Variants in PTH1R observed in about 807,000 individuals in gnomAD.
PTH1R encodes the protein parathyroid hormone/parathyroid hormone-related peptide receptor.
A neutral mutation model predicts 70.7 loss-of-function variants in PTH1R; 32 were observed. The ratio of observed to expected loss-of-function variants is 0.45; its 90% CI spans 0.34 to 0.61. The LOEUF (loss-of-function observed/expected upper bound fraction) is 0.61, where lower values mean the gene tolerates loss of function less well. Ranked by LOEUF, PTH1R falls within the 20% of genes least tolerant of loss-of-function variation. The pLI is 0.01. For synonymous variants in PTH1R, 329 were observed against 324.8 expected, an observed-to-expected ratio of 1.01 and a Z score of -0.14; for missense variants, 626 against 792.5, an observed-to-expected ratio of 0.79 and a Z score of 2.52.
At chr3:46,888,370 C>T (rs766583238) in intron 3 of PTH1R, among the ~76,000 whole-genome samples, 13 of 152,214 alleles carry the variant, frequency 8.5e-5, no homozygotes, top group Admixed American at 3.3e-4. Context: ...AGGAGGGTGC[C>T]GAGCCCTCCG....
Position 46,894,096 on chromosome 3 carries a change from G to A in PTH1R, c.178+87G>A, listed in dbSNP as rs1296330314. 9 of 1,385,930 alleles carry A rather than the reference G, an allele frequency of 6.5e-6. No individual in the cohort carries two copies. In the African/African-American group the frequency reaches 9.9e-5, roughly 15 times the overall value. The allele number at this position is 1,385,930 out of a possible 1,614,324, so 85.9% of individuals were successfully genotyped here. On this transcript the variant is annotated intron_variant, in intron 4 of 15. Transcript: ENST00000449590. ...CGGGACCCAGGATACAGAGCCAGGT[G>A]AAGGCTCTCTGTGGGGGCGGACTTA...
At chr3:46,887,162 C>A (rs2031088411) in intron 3 of PTH1R, among the ~76,000 whole-genome samples, 1 of 152,006 alleles carries the variant, frequency 6.6e-6, no homozygotes, top group Non-Finnish European at 1.5e-5. Context: ...ATCGCTTGAA[C>A]CCAGGAGGCA....
Position 46,883,960 on chromosome 3 carries a change from G to A in PTH1R, c.75+326G>A, listed in dbSNP as rs2030846118. 6.6e-6 allele frequency among the ~76,000 whole-genome samples: 1 copy of A among 152,244 alleles called. No homozygotes were observed. Among genetic ancestry groups the A allele is most frequent in the African/African-American group, 2.4e-5 (1 of 41,464 alleles). Reference sequence around the variant, plus strand: ...ACAGTGTGACCCAACAGAAGGCTGGGCTTTGGCCCTGCTGCGTACTCCCAC... The same window carrying A: ...ACAGTGTGACCCAACAGAAGGCTGGACTTTGGCCCTGCTGCGTACTCCCAC... On this transcript the variant is annotated intron_variant, in intron 3 of 15. Coordinates refer to ENST00000449590, the MANE Select transcript of PTH1R (RefSeq NM_000316.3). The surrounding 1 kb of genome is among the most constrained non-coding windows in gnomAD (Gnocchi z 6.4).
chr3:46,881,666 C>A (rs530938252), intron 2 of PTH1R, among the ~76,000 whole-genome samples: 23 of 151,372 alleles, frequency 1.5e-4, no homozygotes, highest in Non-Finnish European at 2.2e-4. Context: ...TGGCCTAGGG[C>A]CGAGAGGAAC....
rs540920290 is a variant in PTH1R at position 46,883,148 on chromosome 3, AAAAGAAAGAAAG to A, written c.-48-344_-48-333del. ...AGCTCCCATTTCCCCAAAAGAAAAA[AAAAGAAAGAAAG>A]AAAGAAAGAAAGAAAGAAAAGGCGG... On this transcript the variant is annotated intron_variant, in intron 2 of 15. Transcript: ENST00000449590. This position sits in a 1 kb window ranked among gnomAD's most constrained non-coding sequence, Gnocchi z 6.4. Among the ~76,000 whole-genome samples, 108 of 142,234 alleles carry A rather than the reference AAAAGAAAGAAAG, an allele frequency of 7.6e-4. No homozygotes were observed. The highest frequency in any genetic ancestry group is 2.1e-3 in the African/African-American group (82 of 38,480). 93.3% of individuals were successfully genotyped at this position (142,234 alleles called of 152,430 possible). A position where few individuals can be genotyped will look rare whatever the true frequency, so the allele number is the denominator to read the frequency against.
At chr3:46,880,510 C>G (rs1177634457) in intron 1 of PTH1R, among the ~76,000 whole-genome samples, 1 of 152,102 alleles carries the variant, frequency 6.6e-6, no homozygotes, top group Non-Finnish European at 1.5e-5. Context: ...GAGGCTGAGG[C>G]AGGTGGATCA....
intron 3 of PTH1R, among the ~76,000 whole-genome samples, chr3:46,887,873 T>C (rs1420946554): frequency 6.6e-6 from 1 of 152,232 alleles, no homozygotes; most frequent in African/African-American, 2.4e-5. Context: ...TTTGTGTGTG[T>C]GTCTATATGT....
At position 46,902,642 on chromosome 3, in the gene PTH1R, A is replaced by G; in HGVS notation, c.1328A>G (p.Tyr443Cys). Reference protein sequence around the residue: ...SGTLWQVQMHYEMLFNSFQGF... With the variant: ...SGTLWQVQMHCEMLFNSFQGF... ...ACGCTCTGGCAAGTCCAGATGCACT[A>G]TGAGATGCTCTTCAACTCCTTCCAG... Residue 443 changes from tyrosine (Y) to cysteine (C), a missense_variant, in exon 14 of 16, where the codon TAT becomes TGT. Physicochemically the swap from Tyr to Cys is radical, Grantham distance 194 (BLOSUM62 -2). This residue lies in a region of PTH1R where 495 missense variants were observed against 638.7 expected (regional missense o/e 0.77). Transcript: ENST00000449590. This position sits in a 1 kb window ranked among gnomAD's most constrained non-coding sequence, Gnocchi z 5.4. 9 of 1,613,748 alleles carry G rather than the reference A, an allele frequency of 5.6e-6. No individual in the cohort carries two copies. Among genetic ancestry groups the G allele is most frequent in the South Asian group, 1.1e-5 (1 of 91,064 alleles).
At chr3:46,885,872 A>G (rs952710542) in intron 3 of PTH1R, among the ~76,000 whole-genome samples, 1 of 152,160 alleles carries the variant, frequency 6.6e-6, no homozygotes, top group Non-Finnish European at 1.5e-5. Context: ...ATGCCCCTCA[A>G]GCCCACCAAC....
chr3:46,881,757 C>G (rs2106946694), intron 2 of PTH1R, among the ~76,000 whole-genome samples: 1 of 151,766 alleles, frequency 6.6e-6, no homozygotes, highest in African/African-American at 2.4e-5. Context: ...GCAGCCAAGC[C>G]GGGCTCGGGG....
chr3:46,886,091 G>A (rs1337189749), intron 3 of PTH1R, among the ~76,000 whole-genome samples: 2 of 152,188 alleles, frequency 1.3e-5, no homozygotes, highest in African/African-American at 2.4e-5. Flanking sequence ...GTGGAGTTTG[G>A]AGGAAGTGAT....
chr3:46,898,538 C>G, intron 8 of PTH1R, 66 bp downstream of exon 8: 1 of 1,598,368 alleles, frequency 6.3e-7, no homozygotes, highest in Non-Finnish European at 8.5e-7. Flanking sequence ...AGGTCTGATG[C>G]GACCCCCTCC....
Position 46,903,595 on chromosome 3 carries a change from A to C in PTH1R, c.1721A>C (p.Glu574Ala), listed in dbSNP as rs2032266205. 1 of 1,613,388 alleles carries C rather than the reference A, an allele frequency of 6.2e-7. No homozygotes were observed. Among genetic ancestry groups the C allele is most frequent in the Non-Finnish European group, 8.5e-7 (1 of 1,180,018 alleles). ...GGCTCCTGCTCAGGCCTGGACGAGG[A>C]GGCCTCTGGGCCTGAGCGGCCACCT... ...LNGSCSGLDE[E>A]ASGPERPPAL... The change falls in exon 16 of 16, where the codon GAG (glutamate) becomes GCG (alanine). Residue 574 changes from glutamate to alanine, a missense_variant. Around this residue, in one of 3 missense-constraint regions of PTH1R, gnomAD observed 495 missense variants for 638.7 expected, o/e 0.77. Transcript: ENST00000449590. This position sits in a 1 kb window ranked among gnomAD's most constrained non-coding sequence, Gnocchi z 4.4.
rs574661992 is a variant in PTH1R at position 46,902,760 on chromosome 3, C to T, written c.1365C>T (p.Val455=). The part of the protein sequence containing the change: ...MLFNSFQGFF[V]AIIYCFCNGE... Reference sequence around the variant, plus strand: ...ACCCCTCTTCACAGGGATTTTTTGTCGCAATCATATACTGTTTCTGCAATG... The same window carrying T: ...ACCCCTCTTCACAGGGATTTTTTGTTGCAATCATATACTGTTTCTGCAATG... The change falls in exon 15 of 16, where the codon GTC becomes GTT. Residue 455 remains valine, a synonymous_variant. Transcript: ENST00000449590. The surrounding 1 kb of genome is among the most constrained non-coding windows in gnomAD (Gnocchi z 5.4). 3.3e-5 allele frequency: 53 copies of T among 1,613,796 alleles called. No homozygotes were observed. Among genetic ancestry groups the T allele is most frequent in the South Asian group, 2.6e-4 (24 of 91,070 alleles).
At chr3:46,897,706 G>A (rs1241690096) in intron 5 of PTH1R, 149 bp from the exon 6 acceptor site, 3 of 750,544 alleles carry the variant, frequency 4.0e-6, no homozygotes, top group Non-Finnish European at 6.8e-6. Context: ...CCTCCAGCCT[G>A]AGCAACAAAA....
rs2031712191 is a variant in PTH1R, at chr3:46,895,768, C to T, written c.212C>T (p.Ser71Phe). 4 of 1,614,152 alleles carry T rather than the reference C, an allele frequency of 2.5e-6. No homozygotes were observed. Among genetic ancestry groups the T allele is most frequent in the Non-Finnish European group, 3.4e-6 (4 of 1,180,016 alleles). The change falls in exon 5 of 16, where the codon TCT becomes TTT. Residue 71 changes from serine (S) to phenylalanine (F), a missense_variant. Coordinates refer to ENST00000449590, the MANE Select transcript of PTH1R (RefSeq NM_000316.3). ...ATGGAATCAGACAAGGGATGGACATCTGCGTCCACATCAGGGAAGCCCAGG... is the reference window on the plus strand; with the variant it reads ...ATGGAATCAGACAAGGGATGGACATTTGCGTCCACATCAGGGAAGCCCAGG... ...SIMESDKGWT[S>F]ASTSGKPRKD...
In PTH1R at chr3:46,879,243, C is replaced by T. The variant is rs1163298898; in HGVS notation, c.-106+1400C>T. 3.3e-5 allele frequency among the ~76,000 whole-genome samples: 5 copies of T among 152,186 alleles called. No individual in the cohort carries two copies. ...TCTCTGCAGCCCTCTCCACAGCCCACCCTCATCCTCCCAAGTACAAGTAGT... is the reference window on the plus strand; with the variant it reads ...TCTCTGCAGCCCTCTCCACAGCCCATCCTCATCCTCCCAAGTACAAGTAGT... On this transcript the variant is annotated intron_variant, in intron 1 of 15. Transcript: ENST00000449590. The surrounding 1 kb of genome is among the most constrained non-coding windows in gnomAD (Gnocchi z 4.7).
chr3:46,880,494 C>G (rs146752462), intron 1 of PTH1R, among the ~76,000 whole-genome samples: 3,128 of 152,166 alleles, frequency 0.021, 55 homozygotes, highest in Non-Finnish European at 0.034. Flanking sequence ...AATCCCAGCA[C>G]TTTGGGAGGC....
intron 10 of PTH1R, among the ~76,000 whole-genome samples, chr3:46,899,867 C>T (rs534396074): frequency 2.0e-5 from 3 of 152,194 alleles, no homozygotes; most frequent in Non-Finnish European, 4.4e-5. Context: ...TGGGATGGGG[C>T]GCGGGGCTGC....
Sources: gnomAD v4.1 joint callset for allele counts (sites outside exome capture counted in the v4.1 genomes callset) on GRCh38, gnomAD v4.1.1 for gene constraint, gnomAD v4.1.1 regional missense constraint, Gnocchi (gnomAD v3.1) non-coding constraint, MANE v1.5 for transcripts, NCBI Gene and HGNC (gene_info 2026-07-23, HGNC 2026-07-21) for gene names.